Variants in ME3 observed in about 807,000 individuals in gnomAD.
ME3 encodes malic enzyme 3.
In ME3, 48 loss-of-function variants were observed where a neutral mutation model predicts 68.9. The observed-to-expected ratio is 0.70, with a 90% CI of 0.55 to 0.89. The LOEUF (loss-of-function observed/expected upper bound fraction) is 0.89. Ranked by LOEUF, ME3 falls within the 40% of genes least tolerant of loss-of-function variation. The probability of loss-of-function intolerance (pLI) is 0.00; values close to 1 mark genes in which losing one functional copy is unlikely to be tolerated. For missense variants in ME3, 675 were observed against 797.4 expected (o/e 0.85, Z 1.85); for synonymous variants, 320 against 318.8 (o/e 1.00, Z -0.04).
chr11:86,554,708 G>T (rs1956846380), intron 4 of ME3, among the ~76,000 whole-genome samples: 1 of 152,142 alleles, frequency 6.6e-6, no homozygotes, highest in Admixed American at 6.5e-5. Flanking sequence ...ATCACCCAGG[G>T]TCAAGGAGAT....
At chr11:86,599,685 T>G (rs1255406893) in intron 2 of ME3, among the ~76,000 whole-genome samples, 1 of 152,118 alleles carries the variant, frequency 6.6e-6, no homozygotes, top group Non-Finnish European at 1.5e-5. Flanking sequence ...GAAAAAATGT[T>G]AAGGGCAGCC....
chr11:86,483,812 T>C (rs1368346650), intron 7 of ME3, among the ~76,000 whole-genome samples: 2 of 152,168 alleles, frequency 1.3e-5, no homozygotes, highest in African/African-American at 2.4e-5. Flanking sequence ...CAGACAGAGT[T>C]AGGGCTCCAG....
At chr11:86,542,158 A>C (rs757717007) in intron 4 of ME3, among the ~76,000 whole-genome samples, 4 of 152,212 alleles carry the variant, frequency 2.6e-5, no homozygotes, top group Non-Finnish European at 5.9e-5. Context: ...AGGTCACTAA[A>C]ATCAAAGACC....
intron 4 of ME3, among the ~76,000 whole-genome samples, chr11:86,513,828 T>C (rs183802381): frequency 1.3e-5 from 2 of 152,024 alleles, no homozygotes; most frequent in African/African-American, 4.8e-5. Context: ...ACCTCTTCAA[T>C]GACCTCAGCA....
chr11:86,543,874 A>G (rs1956203169), intron 4 of ME3, among the ~76,000 whole-genome samples: 2 of 152,030 alleles, frequency 1.3e-5, no homozygotes, highest in African/African-American at 4.8e-5. Flanking sequence ...ACCACATCAC[A>G]CTTATTCTAA....
At chr11:86,556,627 C>A in exon 4 of ME3, 1 of 1,614,178 alleles carries the variant, frequency 6.2e-7, no homozygotes, top group African/African-American at 1.3e-5. Context: ...TTGGCATGAA[C>A]TTCTCCACGT....
At chr11:86,540,345 C>A (rs149291392) in intron 4 of ME3, among the ~76,000 whole-genome samples, 293 of 152,264 alleles carry the variant, frequency 1.9e-3, no homozygotes, top group Admixed American at 3.1e-3. Context: ...TCCAGTCTAC[C>A]GCTACTGGAC....
At chr11:86,498,273 TTTA>T (rs1284408056) in intron 5 of ME3, 149 bp from the exon 6 acceptor site, 5 of 907,606 alleles carry the variant, frequency 5.5e-6, no homozygotes, top group Non-Finnish European at 8.0e-6. Flanking sequence ...GGCCGGAGCA[TTTA>T]TTCACCTGCA....
chr11:86,545,189 A>C (rs1052880499), intron 4 of ME3, among the ~76,000 whole-genome samples: 1 of 152,250 alleles, frequency 6.6e-6, no homozygotes, highest in African/African-American at 2.4e-5. Flanking sequence ...AGAGCTATTT[A>C]TGACAAACCC....
chr11:86,437,787 C>T (rs1404079691), downstream of ME3, among the ~76,000 whole-genome samples: 2 of 151,968 alleles, frequency 1.3e-5, no homozygotes, highest in East Asian at 3.9e-4. Context: ...ATAATGTTGA[C>T]CTTGTATTTG....
chr11:86,645,287 G>A (rs927310876), intron 2 of ME3, among the ~76,000 whole-genome samples: 1 of 152,180 alleles, frequency 6.6e-6, no homozygotes, highest in Non-Finnish European at 1.5e-5. Flanking sequence ...CACCCCCACA[G>A]AGCCCAGCAA....
intron 4 of ME3, among the ~76,000 whole-genome samples, chr11:86,527,963 C>T (rs1447336603): frequency 1.3e-5 from 2 of 152,122 alleles, no homozygotes; most frequent in Admixed American, 1.3e-4. Flanking sequence ...AGCAAACTAA[C>T]CAGCTAACAT....
chr11:86,558,781 T>C (rs1259018684), intron 3 of ME3, among the ~76,000 whole-genome samples: 2 of 152,244 alleles, frequency 1.3e-5, no homozygotes, highest in African/African-American at 4.8e-5. Flanking sequence ...GGCACTGTTC[T>C]CAGCACATCA....
chr11:86,652,449 TAAAGAA>T (rs980756275), intron 2 of ME3, among the ~76,000 whole-genome samples: 4 of 152,076 alleles, frequency 2.6e-5, no homozygotes, highest in African/African-American at 9.7e-5. Flanking sequence ...TCAACATTCT[TAAAGAA>T]AAGAATTTTC....
At chr11:86,637,794 A>G (rs1387717258) in intron 2 of ME3, among the ~76,000 whole-genome samples, 1 of 152,130 alleles carries the variant, frequency 6.6e-6, no homozygotes, top group Non-Finnish European at 1.5e-5. Flanking sequence ...GAAATTGGAG[A>G]TAAGGAAAAT....
In ME3 at chr11:86,491,308, G is replaced by A. The variant is rs954424974; in HGVS notation, c.706-3868C>T. Among the ~76,000 whole-genome samples the A allele has an allele frequency of 5.3e-5, 8 of 152,100 alleles. No individual in the cohort carries two copies. The East Asian group carries it at 1.3e-3, about 26-fold the overall frequency. ...GGTCTCATGACGAAGCATCCTCTTC[G>A]TCCCATCACTTGATATTGTGGGGGC... On this transcript the variant is annotated intron_variant, in intron 6 of 14. Transcript: ENST00000543262.
chr11:86,575,138 T>C (rs1217676944), intron 2 of ME3, among the ~76,000 whole-genome samples: 1 of 147,280 alleles, frequency 6.8e-6, no homozygotes, highest in Non-Finnish European at 1.5e-5. Context: ...ATACAGCTTC[T>C]AACATTTTTA....
intron 4 of ME3, among the ~76,000 whole-genome samples, chr11:86,523,757 T>C (rs1489910569): frequency 1.3e-5 from 2 of 152,034 alleles, no homozygotes; most frequent in Non-Finnish European, 2.9e-5. Context: ...GCCTTGAACC[T>C]CCATCACATC....
At chr11:86,488,541 C>T (rs653715) in intron 6 of ME3, among the ~76,000 whole-genome samples, 37,547 of 151,940 alleles carry the variant, frequency 0.25, 4,914 homozygotes, top group East Asian at 0.33. Flanking sequence ...AGCCTGTGTT[C>T]AGGGCCCCTC....
Sources: allele counts gnomAD v4.1 joint callset (sites outside exome capture counted in the v4.1 genomes callset), GRCh38; gene constraint gnomAD v4.1.1; transcripts MANE v1.5; gene names NCBI Gene and HGNC (gene_info 2026-07-23, HGNC 2026-07-21).